Variants in CSMD1 observed in about 807,000 individuals in gnomAD.
The protein encoded by CSMD1 is CUB and Sushi multiple domains 1.
CSMD1 carries 213 observed loss-of-function variants against 417.5 expected under a neutral mutation model. The ratio of observed to expected loss-of-function variants is 0.51; its 90% CI spans 0.46 to 0.57. CSMD1 has a LOEUF of 0.57. Among genes scored for constraint, CSMD1 ranks in the 20% least tolerant of loss-of-function variants. The probability of loss-of-function intolerance (pLI) is 0.00; values close to 1 mark genes in which losing one functional copy is unlikely to be tolerated. For synonymous variants in CSMD1, 2,862 were observed against 1,736.8 expected (o/e 1.65, Z -16.11); for missense variants, 6,923 against 4,529.7 (o/e 1.53, Z -15.17).
chr8:4,725,743 C>T (rs557049292), intron 1 of CSMD1, among the ~76,000 whole-genome samples: 1 of 152,174 alleles, frequency 6.6e-6, no homozygotes, highest in East Asian at 1.9e-4. Context: ...ATTTGCTGTG[C>T]TTATTTAGTA....
At chr8:3,137,041 G>T (rs1818143017) in intron 41 of CSMD1, among the ~76,000 whole-genome samples, 1 of 152,054 alleles carries the variant, frequency 6.6e-6, no homozygotes, top group Admixed American at 6.6e-5. Flanking sequence ...TAAGTGATCA[G>T]ATCTGGGTAA....
chr8:4,091,180 A>G (rs541960025), intron 3 of CSMD1, among the ~76,000 whole-genome samples: 8 of 152,234 alleles, frequency 5.3e-5, no homozygotes, highest in Non-Finnish European at 1.2e-4. Flanking sequence ...CGGCCTCCCA[A>G]AGTGCTGGGA....
chr8:4,831,322 G>A (rs1427892234), intron 1 of CSMD1, among the ~76,000 whole-genome samples: 1 of 152,120 alleles, frequency 6.6e-6, no homozygotes, highest in East Asian at 1.9e-4. Flanking sequence ...TCTTCCTAGT[G>A]CTTCAGCAAT....
chr8:2,994,171 A>AAAAAG (rs1320139624), intron 54 of CSMD1, among the ~76,000 whole-genome samples: 6 of 131,438 alleles, frequency 4.6e-5, no homozygotes, highest in African/African-American at 1.5e-4. Context: ...AAAAAAAAAA[A>AAAAAG]GCAAGAAGAA....
intron 3 of CSMD1, among the ~76,000 whole-genome samples, chr8:4,115,646 G>C (rs1038712647): frequency 6.6e-6 from 1 of 152,072 alleles, no homozygotes; most frequent in South Asian, 2.1e-4. Context: ...ATGTTTATAT[G>C]TGCTTTGCCC....
In CSMD1 at chr8:4,123,489, G is replaced by A. The variant is rs150236733; in HGVS notation, c.416-91390C>T. Among the ~76,000 whole-genome samples the A allele has an allele frequency of 7.9e-5, 12 of 152,258 alleles. No individual in the cohort carries two copies. In the East Asian group the frequency reaches 1.5e-3, roughly 20 times the overall value. ...GTGGGTAAATCAGTGCAGTTGAATT[G>A]CTTTTAGAAGATTCGGGACTGTGTT... On this transcript the variant is annotated intron_variant, in intron 3 of 69. Coordinates refer to ENST00000635120, the MANE Select transcript of CSMD1 (RefSeq NM_033225.6).
intron 3 of CSMD1, among the ~76,000 whole-genome samples, chr8:4,259,697 T>C (rs932146202): frequency 3.9e-5 from 6 of 152,206 alleles, no homozygotes; most frequent in African/African-American, 1.4e-4. Flanking sequence ...CTATTCATCA[T>C]GTACACATTT....
At chr8:4,834,418 G>GA (rs964428664) in intron 1 of CSMD1, among the ~76,000 whole-genome samples, 18 of 152,000 alleles carry the variant, frequency 1.2e-4, no homozygotes, top group South Asian at 8.3e-4. Context: ...ACAATATTAT[G>GA]AAAAAAAAGC....
intron 6 of CSMD1, among the ~76,000 whole-genome samples, chr8:3,713,180 C>T (rs1363052519): frequency 1.3e-5 from 2 of 152,002 alleles, no homozygotes; most frequent in Non-Finnish European, 2.9e-5. Context: ...ATAAATATAC[C>T]TAAGGGATAC....
chr8:4,416,860 C>T (rs553521603), intron 3 of CSMD1, among the ~76,000 whole-genome samples: 1 of 152,080 alleles, frequency 6.6e-6, no homozygotes, highest in South Asian at 2.1e-4. Flanking sequence ...AGAAACATTA[C>T]ACAAATAAAA....
chr8:3,216,485 T>C (rs573474347), intron 29 of CSMD1, among the ~76,000 whole-genome samples: 1 of 152,334 alleles, frequency 6.6e-6, no homozygotes, highest in East Asian at 1.9e-4. Context: ...TTTTTTGTTA[T>C]AAATCTCTTT....
At chr8:3,700,958 T>G (rs1467251185) in intron 7 of CSMD1, among the ~76,000 whole-genome samples, 1 of 151,396 alleles carries the variant, frequency 6.6e-6, no homozygotes, top group Non-Finnish European at 1.5e-5. Flanking sequence ...AGGGAGAGGC[T>G]GAGGATGACA....
At chr8:4,507,673 A>G (rs1230245473) in intron 2 of CSMD1, among the ~76,000 whole-genome samples, 1 of 152,198 alleles carries the variant, frequency 6.6e-6, no homozygotes. Context: ...GAGCAAGGCA[A>G]TGGAAGATAC....
chr8:4,110,173 G>A (rs77964648), intron 3 of CSMD1, among the ~76,000 whole-genome samples: 1 of 151,996 alleles, frequency 6.6e-6, no homozygotes, highest in African/African-American at 2.4e-5. Flanking sequence ...ATTTCATCTG[G>A]ATCACATATC....
chr8:3,483,300 C>T (rs971941688), intron 11 of CSMD1, among the ~76,000 whole-genome samples: 2 of 151,850 alleles, frequency 1.3e-5, no homozygotes, highest in East Asian at 1.9e-4. Context: ...AAAATAGAGG[C>T]TATTACTACA....
intron 3 of CSMD1, among the ~76,000 whole-genome samples, chr8:4,390,573 G>C (rs1479549953): frequency 2.0e-5 from 3 of 148,676 alleles, no homozygotes; most frequent in Non-Finnish European, 4.5e-5. Context: ...GAGTGCAGTG[G>C]TGCGATCTCA....
chr8:3,476,530 G>A (rs146780769), intron 11 of CSMD1, among the ~76,000 whole-genome samples: 26 of 152,156 alleles, frequency 1.7e-4, no homozygotes, highest in East Asian at 1.5e-3. Flanking sequence ...CCAGAATGGC[G>A]GTACCACTTG....
At chr8:4,049,256 T>G (rs1283571497) in intron 3 of CSMD1, among the ~76,000 whole-genome samples, 1 of 152,212 alleles carries the variant, frequency 6.6e-6, no homozygotes, top group African/African-American at 2.4e-5. Context: ...ACTGGCATTT[T>G]GTATGAAATA....
chr8:4,159,448 G>C (rs943935174), intron 3 of CSMD1, among the ~76,000 whole-genome samples: 8 of 152,192 alleles, frequency 5.3e-5, no homozygotes, highest in African/African-American at 1.9e-4. Context: ...GTTTATGGCA[G>C]CACAATTCAC....
Sources: allele counts gnomAD v4.1 joint callset (sites outside exome capture counted in the v4.1 genomes callset), GRCh38; gene constraint gnomAD v4.1.1; transcripts MANE v1.5; gene names NCBI Gene and HGNC (gene_info 2026-07-23, HGNC 2026-07-21).